MYO7A: variants seen among roughly 807,000 people sequenced by gnomAD.
MYO7A encodes the protein unconventional myosin-VIIa.
In MYO7A, 210 loss-of-function variants were observed where a neutral mutation model predicts 263.8. The observed-to-expected ratio is 0.80, with a 90% CI of 0.71 to 0.89. MYO7A has a LOEUF of 0.89. Among genes scored for constraint, MYO7A ranks in the 40% least tolerant of loss-of-function variants. The pLI is 0.00. For missense variants in MYO7A, 2,820 were observed against 2,968.3 expected (o/e 0.95, Z 1.16); for synonymous variants, 1,239 against 1,197.3 (o/e 1.03, Z -0.72).
At chr11:77,154,149 G>A (rs781843018) in intron 4 of MYO7A, among the ~76,000 whole-genome samples, 10 of 152,214 alleles carry the variant, frequency 6.6e-5, no homozygotes, top group Non-Finnish European at 1.5e-4. Context: ...TATGTATCAG[G>A]CGCCTGGCAA....
Position 77,138,984 on chromosome 11 carries a change from A to G in MYO7A, c.19-3725A>G, listed in dbSNP as rs1303285070. On this transcript the variant is annotated intron_variant, in intron 2 of 48. Coordinates refer to ENST00000409709, the MANE Select transcript of MYO7A (RefSeq NM_000260.4). The surrounding 1 kb of genome is among the most constrained non-coding windows in gnomAD (Gnocchi z 4.9). ...CCCCAGGCCTGGTCCCAGAGGAAGG[A>G]AGAGGCAGAAAGGGCTAAGGCCCTG... 2.0e-5 allele frequency among the ~76,000 whole-genome samples: 3 copies of G among 152,206 alleles called. No individual in the cohort carries two copies. The highest frequency in any genetic ancestry group is 7.2e-5 in the African/African-American group (3 of 41,450).
chr11:77,158,449 C>T lies in MYO7A; in HGVS notation c.1003+19C>T, dbSNP rs368762385. ...TATGAGGGTGAGGCTGCGCCACACT[C>T]GCCCTGCCCCACCCCTGCGCCAAGG... is the stretch of plus-strand genomic sequence containing the variant. On this transcript the variant is annotated intron_variant, in intron 9 of 48. Coordinates refer to ENST00000409709, the MANE Select transcript of MYO7A (RefSeq NM_000260.4). 640 of 1,606,882 alleles carry T rather than the reference C, an allele frequency of 4.0e-4. No homozygotes were observed. Among genetic ancestry groups the T allele is most frequent in the Non-Finnish European group, 5.2e-4 (610 of 1,177,786 alleles).
At chr11:77,208,255 T>C (rs1957594876) in intron 42 of MYO7A, among the ~76,000 whole-genome samples, 175 bp from the exon 43 acceptor site, 1 of 152,156 alleles carries the variant, frequency 6.6e-6, no homozygotes, top group African/African-American at 2.4e-5. Context: ...AGTGGGCTCT[T>C]CCGGGGACAC....
chr11:77,208,846 GT>G (rs1357425733), intron 44 of MYO7A, 43 bp downstream of exon 44: 4 of 1,430,044 alleles, frequency 2.8e-6, no homozygotes, highest in Non-Finnish European at 3.8e-6. Flanking sequence ...CACAGCTAGC[GT>G]TGCTGTACTT....
At chr11:77,141,883 C>T (rs1010586552) in intron 2 of MYO7A, among the ~76,000 whole-genome samples, 3 of 152,326 alleles carry the variant, frequency 2.0e-5, no homozygotes, top group East Asian at 3.9e-4. Context: ...CCAAAGTGAT[C>T]GTGCTGATCT....
At chr11:77,144,742 G>A (rs1300453821) in intron 3 of MYO7A, among the ~76,000 whole-genome samples, 1 of 152,188 alleles carries the variant, frequency 6.6e-6, no homozygotes, top group African/African-American at 2.4e-5. Flanking sequence ...CCCAGGGAAG[G>A]CTCTTGGCAA....
In MYO7A at chr11:77,194,434, C is replaced by G. The variant is rs769755918; in HGVS notation, c.4233C>G (p.Asn1411Lys). ...GSEMILERLL[N>K]LVPTYIPDRE... ...AGATGATCCTGGAGCGCCTCCTGAA[C>G]CTCGTGCCCACCTACATCCCCGACC... Residue 1411 changes from asparagine (N) to lysine (K), a missense_variant, in exon 32 of 49, where the codon AAC becomes AAG. Asn to Lys is a moderately conservative substitution (Grantham distance 94). Coordinates refer to ENST00000409709, the MANE Select transcript of MYO7A (RefSeq NM_000260.4). 6.2e-7 allele frequency: 1 copy of G among 1,611,984 alleles called. No individual in the cohort carries two copies. The highest frequency in any genetic ancestry group is 8.5e-7 in the Non-Finnish European group (1 of 1,179,108).
At chr11:77,184,207 C>T (rs1195082990) in intron 26 of MYO7A, among the ~76,000 whole-genome samples, 2 of 152,102 alleles carry the variant, frequency 1.3e-5, no homozygotes. Context: ...GAGTATACTC[C>T]AGGTGCCACA....
rs1194813905 is a variant in MYO7A at position 77,181,704 on chromosome 11, C to T, written c.2904+115C>T. Reference sequence around the variant, plus strand: ...CCCAGTCCCTCTGAACAGTGGGGAGCAGAGATGAACTGGGTCCGGGCTGCA... The same window carrying T: ...CCCAGTCCCTCTGAACAGTGGGGAGTAGAGATGAACTGGGTCCGGGCTGCA... On this transcript the variant is annotated intron_variant, in intron 23 of 48. Coordinates refer to ENST00000409709, the MANE Select transcript of MYO7A (RefSeq NM_000260.4). 6 of 1,017,472 alleles carry T rather than the reference C, an allele frequency of 5.9e-6. No homozygotes were observed. In the African/African-American group the frequency reaches 9.7e-5, roughly 16 times the overall value. 63.0% of individuals were successfully genotyped at this position (1,017,472 alleles called of 1,614,324 possible).
chr11:77,141,501 C>T (rs1422012699), intron 2 of MYO7A, among the ~76,000 whole-genome samples: 1 of 147,074 alleles, frequency 6.8e-6, no homozygotes, highest in African/African-American at 2.6e-5. Flanking sequence ...AATGTCCCAA[C>T]TCCTAGGGAG....
intron 2 of MYO7A, among the ~76,000 whole-genome samples, chr11:77,135,949 ACT>A (rs1950891978): frequency 6.6e-6 from 1 of 152,054 alleles, no homozygotes; most frequent in African/African-American, 2.4e-5. Flanking sequence ...ACACAGTCTC[ACT>A]CTGTCACCCA....
intron 13 of MYO7A, 87 bp downstream of exon 13, chr11:77,162,417 A>T: frequency 7.9e-7 from 1 of 1,271,538 alleles, no homozygotes; most frequent in South Asian, 1.3e-5. Context: ...CTCATCTGCA[A>T]AATAGGACTA....
chr11:77,202,183 TG>T, intron 36 of MYO7A, 116 bp from the exon 37 acceptor site: 1 of 1,305,606 alleles, frequency 7.7e-7, no homozygotes, highest in Non-Finnish European at 1.0e-6. Context: ...GAATGGGGCA[TG>T]GGGTCCATAC....
rs370334031 is a variant in MYO7A, at chr11:77,177,956, G to A, written c.2282+313G>A. On this transcript the variant is annotated intron_variant, in intron 19 of 48. Coordinates refer to ENST00000409709, the MANE Select transcript of MYO7A (RefSeq NM_000260.4). ...TCATGTCAGATGCTGATGAAATTTT[G>A]CAAAGAGGAAATTTGAGATTTTATA... 1.4e-4 allele frequency among the ~76,000 whole-genome samples: 22 copies of A among 152,166 alleles called. No individual in the cohort carries two copies. In the East Asian group the frequency reaches 3.7e-3, roughly 25 times the overall value.
At chr11:77,131,858 G>A (rs782744297) in intron 2 of MYO7A, among the ~76,000 whole-genome samples, 2 of 152,234 alleles carry the variant, frequency 1.3e-5, no homozygotes, top group Admixed American at 6.5e-5. Flanking sequence ...CTGGGGAACC[G>A]GCCAGCTCTG....
rs544548269 is a variant in MYO7A at position 77,208,612 on chromosome 11, G to C, written c.5945-85G>C. On this transcript the variant is annotated intron_variant, in intron 43 of 48. Coordinates refer to ENST00000409709, the MANE Select transcript of MYO7A (RefSeq NM_000260.4). The stretch of plus-strand genomic sequence containing the variant: ...GAGGCCCACCTAGGCGGGCCTGAGT[G>C]AGGGCCTCCTCTGGGTCTGGGCTCG... 26 of 1,502,618 alleles carry C rather than the reference G, an allele frequency of 1.7e-5. No homozygotes were observed. The South Asian group carries it at 1.8e-4, about 10-fold the overall frequency. The allele number at this position is 1,502,618 out of a possible 1,614,324, so 93.1% of individuals were successfully genotyped here.
At chr11:77,149,914 G>A (rs971932211) in intron 4 of MYO7A, among the ~76,000 whole-genome samples, 8 of 152,152 alleles carry the variant, frequency 5.3e-5, no homozygotes, top group Non-Finnish European at 8.8e-5. Context: ...CCCACCCGCC[G>A]TATCTCACAG....
At position 77,206,185 on chromosome 11, in the gene MYO7A, C is replaced by T. The variant is rs1468924531; in HGVS notation, c.5725C>T (p.Pro1909Ser). Residue 1909 changes from proline (P) to serine (S), a missense_variant, in exon 41 of 49, where the codon CCT (proline) becomes TCT (serine). Physicochemically the swap from Pro to Ser is moderately conservative, Grantham distance 74 (BLOSUM62 -1). Coordinates refer to ENST00000409709, the MANE Select transcript of MYO7A (RefSeq NM_000260.4). ...CCAGATTTTCCACAAAGTCTACTTC[C>T]CTGATGACACTGACGAGGTGAGGGT... ...TTQIFHKVYF[P>S]DDTDEAFEVE... 1 of 1,612,726 alleles carries T rather than the reference C, an allele frequency of 6.2e-7. No homozygotes were observed. The highest frequency in any genetic ancestry group is 8.5e-7 in the Non-Finnish European group (1 of 1,179,308).
chr11:77,207,993 T>C (rs901020119), intron 42 of MYO7A, among the ~76,000 whole-genome samples: 2 of 152,184 alleles, frequency 1.3e-5, no homozygotes, highest in African/African-American at 4.8e-5. Context: ...TGTTGCCTGC[T>C]GATGGCTCTG....
Sources: gnomAD v4.1 joint callset for allele counts (sites outside exome capture counted in the v4.1 genomes callset) on GRCh38, gnomAD v4.1.1 for gene constraint, Gnocchi (gnomAD v3.1) non-coding constraint, MANE v1.5 for transcripts, NCBI Gene and HGNC (gene_info 2026-07-23, HGNC 2026-07-21) for gene names.